AGL: variants seen among roughly 807,000 people sequenced by gnomAD.
AGL encodes the protein amylo-alpha-1,6-glucosidase and 4-alpha-glucanotransferase, also known as glycogen debranching enzyme.
Under a neutral mutation model 199.3 loss-of-function variants are expected in AGL, and 128 were observed. The ratio of observed to expected loss-of-function variants is 0.64; its 90% CI spans 0.56 to 0.74. AGL has a LOEUF of 0.74. Ranked by LOEUF, AGL falls within the 30% of genes least tolerant of loss-of-function variation. The pLI is 0.00. For synonymous variants in AGL, 584 were observed against 594.7 expected, an observed-to-expected ratio of 0.98 and a Z score of 0.26; for missense variants, 1,809 against 1,820.8, an observed-to-expected ratio of 0.99 and a Z score of 0.12.
At chr1:99,875,302 T>A (rs1557758630) in intron 9 of AGL, 46 bp downstream of exon 9, 2 of 1,612,000 alleles carry the variant, frequency 1.2e-6, no homozygotes, top group Non-Finnish European at 1.7e-6. Context: ...ATCTTACTAC[T>A]ATTTTTTTGT....
chr1:99,882,715 TCTTA>T (rs1486909300), intron 17 of AGL, among the ~76,000 whole-genome samples: 4 of 152,222 alleles, frequency 2.6e-5, no homozygotes, highest in South Asian at 2.1e-4. Context: ...TATTTTATTG[TCTTA>T]CTTACTATTA....
rs1308976428 is a variant in AGL at position 99,900,977 on chromosome 1, A to G, written c.3588+116A>G. 4.0e-6 allele frequency: 4 copies of G among 1,010,754 alleles called. No homozygotes were observed. The African/African-American group carries it at 6.6e-5, about 17-fold the overall frequency. 62.6% of individuals were successfully genotyped at this position (1,010,754 alleles called of 1,614,324 possible). On this transcript the variant is annotated intron_variant, in intron 26 of 33. Transcript: ENST00000361915. ...GAATCCAAATCTTACGAATTATTCA[A>G]ATGTCAGTATTGATTTGGCACCTGC... is the stretch of plus-strand genomic sequence containing the variant.
chr1:99,910,904 T>C, intron 28 of AGL, 57 bp downstream of exon 28: 1 of 1,545,360 alleles, frequency 6.5e-7, no homozygotes, highest in Non-Finnish European at 8.9e-7. Context: ...AAGCACTTAC[T>C]TGTGGAATCT....
At chr1:99,859,134 T>C (rs1005040528) in intron 2 of AGL, among the ~76,000 whole-genome samples, 3 of 152,192 alleles carry the variant, frequency 2.0e-5, no homozygotes, top group African/African-American at 7.2e-5. Flanking sequence ...TCTCTGCTGT[T>C]TGTACTTGTT....
chr1:99,914,851 A>G (rs1222919814), intron 30 of AGL, among the ~76,000 whole-genome samples: 1 of 152,088 alleles, frequency 6.6e-6, no homozygotes, highest in Non-Finnish European at 1.5e-5. Context: ...CTGAGGTTGG[A>G]GGATCATTTG....
chr1:99,901,610 CA>C (rs1166116009), intron 26 of AGL, among the ~76,000 whole-genome samples: 1 of 151,970 alleles, frequency 6.6e-6, no homozygotes, highest in Admixed American at 6.6e-5. Context: ...CCTTGACTAC[CA>C]ATCCAGGGAG....
Position 99,896,455 on chromosome 1 carries a change from C to CT in AGL, c.3362+70dup. 6 of 1,188,748 alleles carry CT rather than the reference C, an allele frequency of 5.0e-6. No individual in the cohort carries two copies. The East Asian group carries it at 1.4e-4, about 28-fold the overall frequency. 73.6% of individuals were successfully genotyped at this position (1,188,748 alleles called of 1,614,324 possible). On this transcript the variant is annotated intron_variant, in intron 25 of 33. Transcript: ENST00000361915. ...GAATGTCTTTTACATGCTCTTCAAA[C>CT]TTTCCTTCTTGTCCATCTTTTCTTA...
rs1415430421 is a variant in AGL, at chr1:99,851,131, A to G, written c.82+7A>G. The G allele has an allele frequency of 6.2e-7, 1 of 1,612,300 alleles. No individual in the cohort carries two copies. Among genetic ancestry groups the G allele is most frequent in the Admixed American group, 1.7e-5 (1 of 60,028 alleles). Reference sequence around the variant, plus strand: ...CTCTTCAGACTTGAACAAGGTCAGTAGCAAGTTGTTTTGATTTGCTCATTT... The same window carrying G: ...CTCTTCAGACTTGAACAAGGTCAGTGGCAAGTTGTTTTGATTTGCTCATTT... On this transcript the variant is annotated splice_region_variant and intron_variant, in intron 2 of 33. Transcript: ENST00000361915.
rs1369758611 is a variant in AGL at position 99,870,431 on chromosome 1, A to G, written c.696A>G (p.Pro232=). The G allele has an allele frequency of 1.9e-6, 3 of 1,614,080 alleles. No individual in the cohort carries two copies. The highest frequency in any genetic ancestry group is 2.5e-6 in the Non-Finnish European group (3 of 1,179,956). Reference sequence around the variant, plus strand: ...ATAGTAAATGGATCCAGGAACATCCAGAATGTGCCTATAATCTTGTGAATT... The same window carrying G: ...ATAGTAAATGGATCCAGGAACATCCGGAATGTGCCTATAATCTTGTGAATT... The part of the protein sequence containing the change: ...AANSKWIQEH[P]ECAYNLVNSP... The change falls in exon 6 of 34, where the codon CCA becomes CCG. Residue 232 remains proline (P), a synonymous_variant. Transcript: ENST00000361915.
At chr1:99,849,796 C>T (rs760672356), upstream of AGL, among the ~76,000 whole-genome samples, 8 of 152,254 alleles carry the variant, frequency 5.3e-5, no homozygotes, top group African/African-American at 9.6e-5. Context: ...ACACCAGAAG[C>T]CAGGTCGTTT....
At chr1:99,887,905 A>C (rs1486844512) in intron 20 of AGL, 73 bp from the exon 21 acceptor site, 12 of 1,547,780 alleles carry the variant, frequency 7.8e-6, no homozygotes, top group Non-Finnish European at 9.8e-6. Context: ...TGTAATTCAG[A>C]TTTTCTTCTT....
chr1:99,909,407 G>GCAGT (rs1328063608), intron 27 of AGL, among the ~76,000 whole-genome samples: 1 of 152,148 alleles, frequency 6.6e-6, no homozygotes, highest in Admixed American at 6.5e-5. Flanking sequence ...CCCCCAGGTA[G>GCAGT]GGGATAGGAG....
In AGL at chr1:99,891,337, G is replaced by T. The variant is rs147977213; in HGVS notation, c.2930G>T (p.Arg977Leu). 1.2e-5 allele frequency: 19 copies of T among 1,613,558 alleles called. No individual in the cohort carries two copies. The East Asian group carries it at 3.8e-4, about 32-fold the overall frequency. ...IDYVSNRLISRSGTIAEVGKW... is the reference protein window; with the variant it reads ...IDYVSNRLISLSGTIAEVGKW... Reference sequence around the variant, plus strand: ...TATGTCAGTAACCGGCTTATTTCACGATCAGGAACTATTGCTGAAGTAAGT... The same window carrying T: ...TATGTCAGTAACCGGCTTATTTCACTATCAGGAACTATTGCTGAAGTAAGT... Residue 977 changes from arginine to leucine, a missense_variant, in exon 22 of 34, where the codon CGA (arginine) becomes CTA (leucine). Arg to Leu is a moderately radical substitution (Grantham distance 102, BLOSUM62 -2). Coordinates refer to ENST00000361915, the MANE Select transcript of AGL (RefSeq NM_000642.3).
In AGL at chr1:99,886,522, G is replaced by A. The variant is rs150719874; in HGVS notation, c.2682-1456G>A. Among the ~76,000 whole-genome samples, 7 of 152,086 alleles carry A rather than the reference G, an allele frequency of 4.6e-5. No homozygotes were observed. The East Asian group carries it at 1.4e-3, about 29-fold the overall frequency. On this transcript the variant is annotated intron_variant, in intron 20 of 33. Transcript: ENST00000361915. ...AAGAGATCTTTGAGAATTTATAATAGACATAATTATAGCACCTTTCTTACA... is the reference window on the plus strand; with the variant it reads ...AAGAGATCTTTGAGAATTTATAATAAACATAATTATAGCACCTTTCTTACA...
rs769643701 is a variant in AGL, at chr1:99,892,420, CTT to C, written c.3084-9_3084-8del. ...TTTCTACAAGTAATAAATTCAATCACTTTTGTTACAGCTTTGTTCAGAATGGT... is the reference window on the plus strand; with the variant it reads ...TTTCTACAAGTAATAAATTCAATCACTTGTTACAGCTTTGTTCAGAATGGT... On this transcript the variant is annotated splice_polypyrimidine_tract_variant and intron_variant, in intron 23 of 33. Coordinates refer to ENST00000361915, the MANE Select transcript of AGL (RefSeq NM_000642.3). 2.5e-6 allele frequency: 4 copies of C among 1,612,236 alleles called. No individual in the cohort carries two copies. The highest frequency in any genetic ancestry group is 2.2e-5 in the South Asian group (2 of 90,946).
chr1:99,861,548 C>G lies in AGL; in HGVS notation c.128C>G (p.Ala43Gly), dbSNP rs1177098472. ...TTAGGCCCAACTTTACAGGGAAAAG[C>G]AGTTACCGTGTATACAAATTACCCA... is the stretch of plus-strand genomic sequence containing the variant. Reference protein sequence around the residue: ...FRLGPTLQGKAVTVYTNYPFP... With the variant: ...FRLGPTLQGKGVTVYTNYPFP... Residue 43 changes from alanine (A) to glycine (G), a missense_variant, in exon 3 of 34, where the codon GCA becomes GGA. Coordinates refer to ENST00000361915, the MANE Select transcript of AGL (RefSeq NM_000642.3). 6.2e-7 allele frequency: 1 copy of G among 1,613,858 alleles called. No individual in the cohort carries two copies. The highest frequency in any genetic ancestry group is 8.5e-7 in the Non-Finnish European group (1 of 1,179,966).
In AGL at chr1:99,890,646, A is replaced by ATAT. The variant is rs201146666; in HGVS notation, c.2813-574_2813-573insTAT. On this transcript the variant is annotated intron_variant, in intron 21 of 33. Transcript: ENST00000361915. ...TTGAAGACTAGAAGGATTAAGAAAA[A>ATAT]AAAAATATATATATATATACCTCAT... 4.6e-3 allele frequency among the ~76,000 whole-genome samples: 512 copies of ATAT among 112,148 alleles called. 3 individuals are homozygous for ATAT. The highest frequency in any genetic ancestry group is 0.015 in the African/African-American group (495 of 32,378). 73.6% of individuals were successfully genotyped at this position (112,148 alleles called of 152,430 possible). A position where few individuals can be genotyped will look rare whatever the true frequency, so the allele number is the denominator to read the frequency against.
In AGL at chr1:99,923,452, T is replaced by G. The variant is rs1655649405; in HGVS notation, c.*1801T>G. The stretch of plus-strand genomic sequence containing the variant: ...AAATGTGACCAAAAAAATTAAAAGT[T>G]CACAATTTTTTTAATGTAGCCATTT... On this transcript the variant is annotated 3_prime_UTR_variant, in exon 34 of 34. Transcript: ENST00000361915. 6.6e-6 allele frequency: 1 copy of G among 152,134 alleles called. No individual in the cohort carries two copies. Among genetic ancestry groups the G allele is most frequent in the Admixed American group, 6.6e-5 (1 of 15,256 alleles). 9.4% of individuals were successfully genotyped at this position (152,134 alleles called of 1,614,324 possible). A position where few individuals can be genotyped will look rare whatever the true frequency, so the allele number is the denominator to read the frequency against.
chr1:99,860,438 A>G (rs1649940023), intron 2 of AGL, among the ~76,000 whole-genome samples: 1 of 152,176 alleles, frequency 6.6e-6, no homozygotes, highest in Non-Finnish European at 1.5e-5. Context: ...TTATATTTCT[A>G]ATAGACTTGA....
Sources: gnomAD v4.1 joint callset for allele counts (sites outside exome capture counted in the v4.1 genomes callset) on GRCh38, gnomAD v4.1.1 for gene constraint, MANE v1.5 for transcripts, NCBI Gene and HGNC (gene_info 2026-07-23, HGNC 2026-07-21) for gene names.